Variants in MAMLD1 observed in about 807,000 individuals in gnomAD.
MAMLD1 encodes mastermind like domain containing 1.
Under a neutral mutation model 45.0 loss-of-function variants are expected in MAMLD1, and 14 were observed. That is an observed-to-expected ratio of 0.31 (90% CI 0.21 to 0.49). The LOEUF (loss-of-function observed/expected upper bound fraction) is 0.49, where lower values mean the gene tolerates loss of function less well. Among genes scored for constraint, MAMLD1 ranks in the 20% least tolerant of loss-of-function variants. MAMLD1 has a pLI of 0.99. For missense variants in MAMLD1, 543 were observed against 603.6 expected (o/e 0.90, Z 1.05); for synonymous variants, 254 against 247.8 (o/e 1.02, Z -0.24).
At chrX:150,410,023 G>A (rs1166486159) in intron 1 of MAMLD1, among the ~76,000 whole-genome samples, 3 of 111,912 alleles carry the variant, frequency 2.7e-5, no homozygotes, top group Non-Finnish European at 5.6e-5. Context: ...CCAGGCCTAG[G>A]AACTGGGTGT....
upstream of MAMLD1, among the ~76,000 whole-genome samples, chrX:150,361,860 G>A (rs782676474): frequency 1.4e-4 from 16 of 112,987 alleles, no homozygotes; most frequent in South Asian, 5.8e-3. Context: ...CTATGTTCCT[G>A]CAGAAGCCGC....
intron 3 of MAMLD1, 135 bp from the exon 4 acceptor site, chrX:150,469,610 T>G: frequency 2.6e-6 from 1 of 386,882 alleles, no homozygotes. Flanking sequence ...AAAATTCCTC[T>G]CTCTCTCTCT....
chrX:150,499,432 C>A (rs1157385796), intron 5 of MAMLD1, among the ~76,000 whole-genome samples: 1 of 112,071 alleles, frequency 8.9e-6, no homozygotes, highest in East Asian at 2.8e-4. Flanking sequence ...CATTCATCCA[C>A]TTCTTGCAAA....
chrX:150,505,860 C>G (rs2037711281), intron 6 of MAMLD1, among the ~76,000 whole-genome samples: 1 of 112,654 alleles, frequency 8.9e-6, no homozygotes. Context: ...AAGCATCCAT[C>G]CGTCCTCCAA....
chrX:150,485,036 G>A lies in MAMLD1; in HGVS notation c.2040+11234G>A, dbSNP rs1299221521. ...GAGTGAGGGCCTCTGGGTAAGTAAG[G>A]CTCTGCTAAACTGATCAAATGCTCC... On this transcript the variant is annotated intron_variant, in intron 5 of 7. Transcript: ENST00000370401. Among the ~76,000 whole-genome samples, 3 of 111,486 alleles carry A rather than the reference G, an allele frequency of 2.7e-5. No homozygotes were observed. The Admixed American group carries it at 2.9e-4, about 11-fold the overall frequency.
chrX:150,403,370 G>A (rs2033869333), intron 1 of MAMLD1, among the ~76,000 whole-genome samples: 1 of 111,722 alleles, frequency 9.0e-6, no homozygotes, highest in African/African-American at 3.3e-5. Context: ...TAAATGTTTT[G>A]GAACTAGCTA....
Position 150,431,563 on chromosome X carries a change from T to G in MAMLD1, c.-63-13891T>G, listed in dbSNP as rs2034947704. On this transcript the variant is annotated intron_variant, in intron 1 of 7. Transcript: ENST00000370401. ...AGGTAGTTTTTTGATTCTCACCCTC[T>G]TCCCTCCGTCCACCCTCAAGTAGGC... 2.7e-5 allele frequency among the ~76,000 whole-genome samples: 3 copies of G among 110,663 alleles called. No individual in the cohort carries two copies. The Admixed American group carries it at 2.9e-4, about 11-fold the overall frequency.
chrX:150,460,459 G>A lies in MAMLD1; in HGVS notation c.97-2313G>A, dbSNP rs146290833. Among the ~76,000 whole-genome samples, 687 of 112,259 alleles carry A rather than the reference G, an allele frequency of 6.1e-3. 5 individuals carry two copies. Among genetic ancestry groups the A allele is most frequent in the Middle Eastern group, 0.047 (10 of 215 alleles). ...AGTCATATCAATTCTCTTGGGAAGA[G>A]CCCCTTGGGTTTGTATAGTTCTTTA... On this transcript the variant is annotated intron_variant, in intron 2 of 7. Coordinates refer to ENST00000370401, the MANE Select transcript of MAMLD1 (RefSeq NM_005491.5).
rs1393869215 is a variant in MAMLD1 at position 150,513,477 on chromosome X, G to A, written c.*1518G>A. On this transcript the variant is annotated 3_prime_UTR_variant, in exon 8 of 8. Coordinates refer to ENST00000370401, the MANE Select transcript of MAMLD1 (RefSeq NM_005491.5). ...GAGTCGCTTATGGTTTTAATGCAATGAGCAATGTGGATATGACCAAGAGTT... is the reference window on the plus strand; with the variant it reads ...GAGTCGCTTATGGTTTTAATGCAATAAGCAATGTGGATATGACCAAGAGTT... The A allele has an allele frequency of 4.0e-6, 1 of 251,380 alleles. No individual in the cohort carries two copies. The highest frequency in any genetic ancestry group is 7.1e-6 in the Non-Finnish European group (1 of 141,748). The allele number at this position is 251,380 out of a possible 1,213,427, so 20.7% of individuals were successfully genotyped here. A position where few individuals can be genotyped will look rare whatever the true frequency, so the allele number is the denominator to read the frequency against.
At chrX:150,423,614 A>AAGAG (rs138772700) in intron 1 of MAMLD1, among the ~76,000 whole-genome samples, 125 of 101,666 alleles carry the variant, frequency 1.2e-3, no homozygotes, top group South Asian at 3.7e-3. Flanking sequence ...AAGAGAGAGA[A>AAGAG]AGAGAGAGAG....
intron 2 of MAMLD1, among the ~76,000 whole-genome samples, chrX:150,450,071 G>A (rs1557404988): frequency 8.9e-6 from 1 of 111,733 alleles, no homozygotes; most frequent in Admixed American, 9.4e-5. Context: ...CCCAGATTAG[G>A]AGCTCAGGTA....
chrX:150,381,824 A>G (rs1361170084), intron 1 of MAMLD1, among the ~76,000 whole-genome samples: 1 of 111,856 alleles, frequency 8.9e-6, no homozygotes, highest in East Asian at 2.8e-4. Context: ...AACTTCACGG[A>G]ATGTCTGTTC....
At chrX:150,500,403 T>C (rs1283734621) in intron 5 of MAMLD1, among the ~76,000 whole-genome samples, 2 of 110,797 alleles carry the variant, frequency 1.8e-5, no homozygotes, top group Non-Finnish European at 3.8e-5. Flanking sequence ...GTGGATGTGC[T>C]TGCACTTGCA....
intron 7 of MAMLD1, among the ~76,000 whole-genome samples, chrX:150,511,541 G>A (rs1021433763): frequency 1.8e-5 from 2 of 111,842 alleles, no homozygotes; most frequent in African/African-American, 6.5e-5. Flanking sequence ...ACATCCATCG[G>A]GTAGAGAATC....
chrX:150,470,296 T>C lies in MAMLD1; in HGVS notation c.723T>C (p.Ser241=), dbSNP rs782257303. Residue 241 remains serine, a synonymous_variant, in exon 4 of 8, where the codon TCT becomes TCC. Transcript: ENST00000370401. ...ESLASSKEFA[S]SCSQVTGMSL... ...TGGCTTCCAGCAAGGAGTTTGCTTC[T>C]AGTTGCAGCCAAGTTACTGGCATGT... 8.3e-7 allele frequency: 1 copy of C among 1,207,200 alleles called. No individual in the cohort carries two copies. Among genetic ancestry groups the C allele is most frequent in the East Asian group, 3.0e-5 (1 of 33,703 alleles).
chrX:150,512,746 G>GGCTGCTGCTGCCACC lies in MAMLD1; in HGVS notation c.*799_*813dup. ...AGGGCATCGAGCCACCAAGCTATGT[G>GGCTGCTGCTGCCACC]GCTGCTGCTGCCACCGCTGCTGCTG... On this transcript the variant is annotated 3_prime_UTR_variant, in exon 8 of 8. Coordinates refer to ENST00000370401, the MANE Select transcript of MAMLD1 (RefSeq NM_005491.5). 1 of 1,155,177 alleles carries GGCTGCTGCTGCCACC rather than the reference G, an allele frequency of 8.7e-7. No individual in the cohort carries two copies. Among genetic ancestry groups the GGCTGCTGCTGCCACC allele is most frequent in the Non-Finnish European group, 1.1e-6 (1 of 872,304 alleles).
Position 150,422,023 on chromosome X carries a change from G to A in MAMLD1, c.-63-23431G>A, listed in dbSNP as rs185584579. On this transcript the variant is annotated intron_variant, in intron 1 of 7. Coordinates refer to ENST00000370401, the MANE Select transcript of MAMLD1 (RefSeq NM_005491.5). ...ACCAACACAGGGATGATGCCAGCTG[G>A]CAAGCCTCGTAGAGTCCTCCTGGCC... Among the ~76,000 whole-genome samples, 45 of 112,260 alleles carry A rather than the reference G, an allele frequency of 4.0e-4. No individual in the cohort carries two copies. In the East Asian group the frequency reaches 8.2e-3, roughly 20 times the overall value.
intron 1 of MAMLD1, among the ~76,000 whole-genome samples, chrX:150,396,546 A>T (rs2124505395): frequency 9.0e-6 from 1 of 111,155 alleles, no homozygotes; most frequent in South Asian, 3.8e-4. Context: ...GAGAGCAGAC[A>T]TTGTATGAAT....
chrX:150,448,726 C>T (rs1229686421), intron 2 of MAMLD1, among the ~76,000 whole-genome samples: 2 of 111,910 alleles, frequency 1.8e-5, no homozygotes, highest in East Asian at 5.6e-4. Flanking sequence ...GTTAAGATCA[C>T]GATTCTTTCC....
Sources: allele counts gnomAD v4.1 joint callset (sites outside exome capture counted in the v4.1 genomes callset), GRCh38; gene constraint gnomAD v4.1.1; transcripts MANE v1.5; gene names NCBI Gene and HGNC (gene_info 2026-07-23, HGNC 2026-07-21).